The following TOX variants were observed in gnomAD, a reference collection of about 807,000 sequenced individuals.
TOX encodes thymocyte selection associated high mobility group box, also known as thymocyte selection-associated high mobility group box protein TOX.
Under a neutral mutation model 53.7 loss-of-function variants are expected in TOX, and 11 were observed. The observed-to-expected ratio is 0.20, with a 90% CI of 0.13 to 0.34. The LOEUF is 0.34. Among genes scored for constraint, TOX ranks in the 10% least tolerant of loss-of-function variants. TOX has a pLI of 1.00. For missense variants in TOX, 570 were observed against 664.6 expected (o/e 0.86, Z 1.56); for synonymous variants, 225 against 245.3 (o/e 0.92, Z 0.77).
At chr8:59,105,419 T>C (rs1479317252) in intron 1 of TOX, among the ~76,000 whole-genome samples, 3 of 152,074 alleles carry the variant, frequency 2.0e-5, no homozygotes, top group South Asian at 4.1e-4. Context: ...AAGCACAAAA[T>C]AGTCTTCCAT....
intron 3 of TOX, among the ~76,000 whole-genome samples, chr8:58,925,900 C>A (rs562759041): frequency 4.7e-4 from 71 of 152,296 alleles, no homozygotes; most frequent in Middle Eastern, 3.4e-3. Context: ...CTTTACCATG[C>A]ACTGACTATT....
chr8:59,019,724 T>C lies in TOX; in HGVS notation c.103-59716A>G, dbSNP rs550967401. 5.9e-5 allele frequency among the ~76,000 whole-genome samples: 9 copies of C among 152,352 alleles called. No individual in the cohort carries two copies. In the East Asian group the frequency reaches 1.5e-3, roughly 26 times the overall value. ...TTTTCTGTGTGTGTAGCCATATATA[T>C]GATATTTATATTTGACCATATAAAA... On this transcript the variant is annotated intron_variant, in intron 1 of 8. Coordinates refer to ENST00000361421, the MANE Select transcript of TOX (RefSeq NM_014729.3).
At chr8:59,099,402 T>G (rs1167949499) in intron 1 of TOX, among the ~76,000 whole-genome samples, 2 of 152,176 alleles carry the variant, frequency 1.3e-5, no homozygotes, top group Non-Finnish European at 2.9e-5. Context: ...TCACTAATCA[T>G]CAGCAGTGTA....
chr8:58,947,860 G>A (rs939923346), intron 2 of TOX, among the ~76,000 whole-genome samples: 2 of 152,184 alleles, frequency 1.3e-5, no homozygotes, highest in Non-Finnish European at 2.9e-5. Context: ...ACTGACAAAT[G>A]AGCAAGTCCA....
intron 1 of TOX, among the ~76,000 whole-genome samples, chr8:59,025,124 T>C (rs1468758314): frequency 1.3e-5 from 2 of 152,150 alleles, no homozygotes; most frequent in African/African-American, 4.8e-5. Flanking sequence ...GCTTCAGCCC[T>C]GACAGCCCCT....
intron 1 of TOX, among the ~76,000 whole-genome samples, chr8:59,064,391 G>A (rs1226779224): frequency 6.6e-6 from 1 of 152,104 alleles, no homozygotes; most frequent in Admixed American, 6.5e-5. Context: ...TACCCATATT[G>A]AATGTCTCAC....
chr8:58,833,113 T>G (rs1810490287), intron 5 of TOX, among the ~76,000 whole-genome samples: 1 of 152,224 alleles, frequency 6.6e-6, no homozygotes, highest in Non-Finnish European at 1.5e-5. Context: ...ACTCCATTTT[T>G]AGCAAAACAG....
intron 1 of TOX, among the ~76,000 whole-genome samples, chr8:58,999,392 A>G (rs575900563): frequency 1.3e-5 from 2 of 152,058 alleles, no homozygotes; most frequent in East Asian, 3.9e-4. Flanking sequence ...TGCATGGTAT[A>G]GTAAGTCAAA....
chr8:58,810,411 G>T (rs1382277830), intron 7 of TOX, among the ~76,000 whole-genome samples: 1 of 152,106 alleles, frequency 6.6e-6, no homozygotes, highest in Non-Finnish European at 1.5e-5. Context: ...CACCATCTCG[G>T]CTCACTGCAG....
At chr8:58,837,167 G>A (rs879931384) in intron 5 of TOX, among the ~76,000 whole-genome samples, 4 of 152,192 alleles carry the variant, frequency 2.6e-5, no homozygotes, top group Middle Eastern at 3.4e-3. Context: ...GACATAATGA[G>A]GAAAGATTGG....
intron 1 of TOX, among the ~76,000 whole-genome samples, chr8:59,039,748 G>A (rs1317656979): frequency 6.6e-6 from 1 of 152,164 alleles, no homozygotes; most frequent in Non-Finnish European, 1.5e-5. Context: ...ATTATTGAAA[G>A]AGGCTTGTTT....
At chr8:58,966,660 T>C (rs921538842) in intron 1 of TOX, among the ~76,000 whole-genome samples, 14 of 152,144 alleles carry the variant, frequency 9.2e-5, no homozygotes, top group African/African-American at 3.4e-4. Flanking sequence ...TTAGATATTC[T>C]TTTTGTTAAC....
intron 3 of TOX, among the ~76,000 whole-genome samples, chr8:58,898,008 C>A (rs1170952545): frequency 2.6e-5 from 4 of 152,140 alleles, no homozygotes; most frequent in African/African-American, 9.7e-5. Context: ...ATAGCAATAT[C>A]ATAACATTTT....
intron 1 of TOX, among the ~76,000 whole-genome samples, chr8:59,028,242 T>C (rs1814280626): frequency 6.6e-6 from 1 of 152,240 alleles, no homozygotes; most frequent in Non-Finnish European, 1.5e-5. Flanking sequence ...GAACGAACTT[T>C]TTTTTTTCCT....
chr8:58,843,356 A>G (rs1353815966), intron 4 of TOX, among the ~76,000 whole-genome samples: 1 of 152,212 alleles, frequency 6.6e-6, no homozygotes, highest in Admixed American at 6.5e-5. Context: ...AGATTCTTGG[A>G]ACATAATATT....
intron 1 of TOX, among the ~76,000 whole-genome samples, chr8:59,052,443 T>C (rs1257529765): frequency 2.0e-5 from 3 of 152,182 alleles, no homozygotes. Context: ...TGTTAAAGGA[T>C]AAATAAGCAT....
At chr8:58,896,543 C>T (rs1245552739) in intron 3 of TOX, among the ~76,000 whole-genome samples, 2 of 152,134 alleles carry the variant, frequency 1.3e-5, no homozygotes, top group African/African-American at 2.4e-5. Context: ...GGCATGGTGG[C>T]ATGTGCCTAT....
Position 58,808,118 on chromosome 8 carries a change from C to A in TOX, c.1544G>T (p.Gly515Val). 6.2e-7 allele frequency: 1 copy of A among 1,609,264 alleles called. No individual in the cohort carries two copies. The highest frequency in any genetic ancestry group is 8.5e-7 in the Non-Finnish European group (1 of 1,178,044). The change falls in exon 8 of 9, where the codon GGG (glycine) becomes GTG (valine). Residue 515 changes from glycine to valine, a missense_variant and splice_region_variant. Gly to Val is a moderately radical substitution (Grantham distance 109). Coordinates refer to ENST00000361421, the MANE Select transcript of TOX (RefSeq NM_014729.3). ...CAGGTGGCGATGACCGGCCGCTTAC[C>A]CACTACTGCAGTAGTCGTTATTCCA... ...VDWNNDYCSS[G>V]GMQRDKALYL... is the part of the protein sequence containing the mutation.
intron 1 of TOX, among the ~76,000 whole-genome samples, chr8:59,108,735 T>C (rs1328109591): frequency 1.3e-5 from 2 of 151,336 alleles, no homozygotes; most frequent in African/African-American, 2.4e-5. Context: ...AAGGCAATAA[T>C]ACAAGATGAG....
Sources: allele counts gnomAD v4.1 joint callset (sites outside exome capture counted in the v4.1 genomes callset), GRCh38; gene constraint gnomAD v4.1.1; transcripts MANE v1.5; gene names NCBI Gene and HGNC (gene_info 2026-07-23, HGNC 2026-07-21).